The following CMTM8 variants were observed in gnomAD, a reference collection of about 807,000 sequenced individuals.
CMTM8 encodes the protein CKLF like MARVEL transmembrane domain containing 8.
In CMTM8, 12 loss-of-function variants were observed where a neutral mutation model predicts 18.6. The observed-to-expected ratio is 0.65, with a 90% confidence interval of 0.41 to 1.05. The LOEUF is 1.05. CMTM8 is among the 50% of genes least tolerant of loss of function. CMTM8 has a pLI of 0.00. For missense variants in CMTM8, 217 were observed against 227.2 expected, an observed-to-expected ratio of 0.95 and a Z score of 0.29; for synonymous variants, 87 against 90.6, an observed-to-expected ratio of 0.96 and a Z score of 0.23.
At chr3:32,351,486 T>C (rs1344112222) in intron 1 of CMTM8, among the ~76,000 whole-genome samples, 1 of 152,106 alleles carries the variant, frequency 6.6e-6, no homozygotes, top group Non-Finnish European at 1.5e-5. Context: ...GGCAGGAGGA[T>C]CACTTGAGCC....
intron 1 of CMTM8, among the ~76,000 whole-genome samples, chr3:32,349,806 G>A (rs1336846385): frequency 6.6e-6 from 1 of 152,084 alleles, no homozygotes; most frequent in Non-Finnish European, 1.5e-5. Flanking sequence ...TCAGGAGTTC[G>A]AGACCAGCCT....
intron 1 of CMTM8, among the ~76,000 whole-genome samples, chr3:32,257,582 A>C (rs1702190599): frequency 6.6e-6 from 1 of 152,160 alleles, no homozygotes; most frequent in Non-Finnish European, 1.5e-5. Flanking sequence ...CTATTGCTTT[A>C]TTATGGTTTT....
At chr3:32,256,652 C>A (rs749148801) in intron 1 of CMTM8, among the ~76,000 whole-genome samples, 1 of 152,146 alleles carries the variant, frequency 6.6e-6, no homozygotes, top group African/African-American at 2.4e-5. Context: ...GAAGTTTCTT[C>A]AGGTTGATGT....
intron 1 of CMTM8, among the ~76,000 whole-genome samples, chr3:32,310,429 T>C (rs909109291): frequency 2.0e-5 from 3 of 152,174 alleles, no homozygotes; most frequent in African/African-American, 7.2e-5. Context: ...ATCCAGTAAA[T>C]AACATCTTAA....
intron 1 of CMTM8, among the ~76,000 whole-genome samples, chr3:32,246,798 C>A (rs1702021830): frequency 1.3e-5 from 2 of 152,138 alleles, no homozygotes; most frequent in Admixed American, 1.3e-4. Context: ...GTATATGAAT[C>A]TTCTTTAAAG....
In CMTM8 at chr3:32,294,557, C is replaced by T. The variant is rs533758185; in HGVS notation, c.147+55438C>T. Reference sequence around the variant, plus strand: ...CACTTACTATCTCTGGATCCTTGGTCAAATTTCTTCTTGGAGCCTCAGTTT... The same window carrying T: ...CACTTACTATCTCTGGATCCTTGGTTAAATTTCTTCTTGGAGCCTCAGTTT... On this transcript the variant is annotated intron_variant, in intron 1 of 3. Coordinates refer to ENST00000307526, the MANE Select transcript of CMTM8 (RefSeq NM_178868.5). Among the ~76,000 whole-genome samples the T allele has an allele frequency of 7.2e-5, 11 of 152,216 alleles. No individual in the cohort carries two copies. The South Asian group carries it at 2.3e-3, about 32-fold the overall frequency.
chr3:32,343,364 G>A (rs1696535423), intron 1 of CMTM8, among the ~76,000 whole-genome samples: 1 of 152,152 alleles, frequency 6.6e-6, no homozygotes, highest in Non-Finnish European at 1.5e-5. Flanking sequence ...TCTGATGCCA[G>A]GCCTCCTTTG....
At chr3:32,239,156 G>C in intron 1 of CMTM8, 37 bp downstream of exon 1, 1 of 1,561,136 alleles carries the variant, frequency 6.4e-7, no homozygotes, top group Non-Finnish European at 8.7e-7. Flanking sequence ...GGGGGGCTCA[G>C]CTGGACCCCG....
intron 1 of CMTM8, among the ~76,000 whole-genome samples, chr3:32,291,809 C>G (rs148944240): frequency 3.8e-4 from 58 of 152,306 alleles, no homozygotes; most frequent in Non-Finnish European, 7.2e-4. Flanking sequence ...TACTGTATGG[C>G]TGGGTCCCAA....
chr3:32,307,724 A>G (rs1695743814), intron 1 of CMTM8, among the ~76,000 whole-genome samples: 1 of 152,152 alleles, frequency 6.6e-6, no homozygotes, highest in African/African-American at 2.4e-5. Flanking sequence ...CATCAGAATC[A>G]CCTGGAAGGT....
chr3:32,266,353 C>T (rs992994299), intron 1 of CMTM8, among the ~76,000 whole-genome samples: 4 of 152,152 alleles, frequency 2.6e-5, no homozygotes, highest in African/African-American at 9.7e-5. Flanking sequence ...ATGACAAAAA[C>T]CACATGATTA....
At chr3:32,308,756 G>T (rs945392261) in intron 1 of CMTM8, among the ~76,000 whole-genome samples, 1 of 152,166 alleles carries the variant, frequency 6.6e-6, no homozygotes, top group Admixed American at 6.5e-5. Flanking sequence ...TGAGTTAATA[G>T]ACACAATGAC....
chr3:32,288,717 T>A (rs34403201), intron 1 of CMTM8, among the ~76,000 whole-genome samples: 2 of 152,024 alleles, frequency 1.3e-5, no homozygotes, highest in Admixed American at 6.6e-5. Context: ...AGCCAGGATG[T>A]TCTCGATCTC....
intron 1 of CMTM8, among the ~76,000 whole-genome samples, chr3:32,300,817 G>C (rs937541513): frequency 2.6e-5 from 4 of 152,020 alleles, no homozygotes; most frequent in African/African-American, 9.7e-5. Context: ...AAAATTAGCT[G>C]GGCGTGGTGG....
intron 2 of CMTM8, among the ~76,000 whole-genome samples, chr3:32,359,527 T>G (rs1388691485): frequency 6.6e-6 from 1 of 151,608 alleles, no homozygotes; most frequent in African/African-American, 2.4e-5. Context: ...GAGACGGAGG[T>G]TGTAATAAGC....
intron 1 of CMTM8, among the ~76,000 whole-genome samples, chr3:32,288,607 T>C (rs1702723264): frequency 6.6e-6 from 1 of 151,560 alleles, no homozygotes; most frequent in Non-Finnish European, 1.5e-5. Context: ...TTCAAACAAC[T>C]CCCCTGCCTC....
At chr3:32,298,351 C>T (rs1695521168) in intron 1 of CMTM8, among the ~76,000 whole-genome samples, 1 of 151,886 alleles carries the variant, frequency 6.6e-6, no homozygotes, top group Non-Finnish European at 1.5e-5. Context: ...GGATTACAGG[C>T]GTGAGCCATC....
At chr3:32,321,181 G>C (rs9813669) in intron 1 of CMTM8, among the ~76,000 whole-genome samples, 5 of 151,744 alleles carry the variant, frequency 3.3e-5, no homozygotes, top group African/African-American at 9.7e-5. Context: ...GAAGCGGCGG[G>C]GGGGCCAGCA....
chr3:32,345,608 A>G (rs775322763), intron 1 of CMTM8, among the ~76,000 whole-genome samples: 12 of 152,222 alleles, frequency 7.9e-5, no homozygotes, highest in Non-Finnish European at 1.8e-4. Flanking sequence ...AAGAAACCTT[A>G]GGTCATTAAA....
Sources: allele counts gnomAD v4.1 joint callset (sites outside exome capture counted in the v4.1 genomes callset), GRCh38; gene constraint gnomAD v4.1.1; transcripts MANE v1.5; gene names NCBI Gene and HGNC (gene_info 2026-07-23, HGNC 2026-07-21).